The following BARD1 variants were observed in gnomAD, a reference collection of about 807,000 sequenced individuals.
BARD1 encodes BRCA1 associated RING domain 1.
BARD1 carries 73 observed loss-of-function variants against 77.0 expected under a neutral mutation model. The observed-to-expected ratio is 0.95, with a 90% CI of 0.79 to 1.15. The LOEUF (loss-of-function observed/expected upper bound fraction) is 1.15. Among genes scored for constraint, BARD1 ranks in the 50% most tolerant of loss-of-function variants. The pLI, the probability that BARD1 is intolerant of heterozygous loss-of-function variation, is 0.00. For synonymous variants in BARD1, 384 were observed against 338.0 expected (o/e 1.14, Z -1.49); for missense variants, 993 against 938.8 (o/e 1.06, Z -0.75).
chr2:214,792,428 C>G lies in BARD1; in HGVS notation c.233G>C (p.Cys78Ser), dbSNP rs199780731. The G allele has an allele frequency of 1.2e-5, 19 of 1,603,354 alleles. No individual in the cohort carries two copies. Among genetic ancestry groups the G allele is most frequent in the Non-Finnish European group, 1.6e-5 (19 of 1,176,696 alleles). ...ACACACTGGACATCCAGTTCCAATG[C>G]AGTCACTTACACAATTACTTTAAAA... Reference protein sequence around the residue: ...HIFCSNCVSDCIGTGCPVCYT... With the variant: ...HIFCSNCVSDSIGTGCPVCYT... Residue 78 changes from cysteine to serine, a missense_variant, in exon 3 of 11, where the codon TGC becomes TCC. Physicochemically the swap from Cys to Ser is moderately radical, Grantham distance 112 (BLOSUM62 -1). Transcript: ENST00000260947.
chr2:214,792,722 A>G (rs900427087), intron 2 of BARD1, among the ~76,000 whole-genome samples: 2 of 152,184 alleles, frequency 1.3e-5, no homozygotes, highest in Admixed American at 1.3e-4. Flanking sequence ...AAGGTTACAG[A>G]GATGTAACAG....
chr2:214,746,576 G>A (rs984996467), intron 7 of BARD1, among the ~76,000 whole-genome samples: 1 of 144,286 alleles, frequency 6.9e-6, no homozygotes, highest in African/African-American at 2.5e-5. Context: ...AAGACTCCAG[G>A]AAACAATATA....
intron 2 of BARD1, among the ~76,000 whole-genome samples, chr2:214,795,108 T>C (rs529613316): frequency 6.6e-6 from 1 of 152,272 alleles, no homozygotes; most frequent in South Asian, 2.1e-4. Context: ...AAACCCATCA[T>C]CTGTCAGCTG....
chr2:214,779,216 G>T (rs1413092500), intron 4 of BARD1, among the ~76,000 whole-genome samples: 1 of 152,122 alleles, frequency 6.6e-6, no homozygotes, highest in African/African-American at 2.4e-5. Context: ...CAGTATCTGT[G>T]GGGGATTGGT....
At position 214,728,842 on chromosome 2, in the gene BARD1, T is replaced by C. The variant is rs1553612140; in HGVS notation, c.2168A>G (p.His723Arg). ...GCGCTGATCAGAATCGGGTCTCGCA[T>C]GGTATGCGACTGTATTGATGGTCTG... is the stretch of plus-strand genomic sequence containing the variant. ...VTQTINTVAYHARPDSDQRFC... is the reference protein window; with the variant it reads ...VTQTINTVAYRARPDSDQRFC... Residue 723 changes from histidine to arginine, a missense_variant, in exon 11 of 11, where the codon CAT becomes CGT. His to Arg is a conservative substitution (Grantham distance 29). Coordinates refer to ENST00000260947, the MANE Select transcript of BARD1 (RefSeq NM_000465.4). The C allele has an allele frequency of 6.2e-7, 1 of 1,614,194 alleles. No homozygotes were observed. The highest frequency in any genetic ancestry group is 1.3e-5 in the African/African-American group (1 of 75,046).
intron 4 of BARD1, 69 bp from the exon 5 acceptor site, chr2:214,769,381 A>G (rs559890568): frequency 3.4e-6 from 4 of 1,175,120 alleles, no homozygotes; most frequent in Admixed American, 1.8e-5. Flanking sequence ...AGCTTTTTTA[A>G]ATGCTGCCTT....
rs186641736 is a variant in BARD1 at position 214,780,337 on chromosome 2, T to C, written c.1314+223A>G. Among the ~76,000 whole-genome samples the C allele has an allele frequency of 1.9e-3, 285 of 152,258 alleles. 1 individual carries two copies. Among genetic ancestry groups the C allele is most frequent in the African/African-American group, 5.4e-3 (226 of 41,552 alleles). ...AAATAAAAGCCGAAATATTCAAATATTGGTTTTCTCCTACAAGATCATGCG... is the reference window on the plus strand; with the variant it reads ...AAATAAAAGCCGAAATATTCAAATACTGGTTTTCTCCTACAAGATCATGCG... On this transcript the variant is annotated intron_variant, in intron 4 of 10. Coordinates refer to ENST00000260947, the MANE Select transcript of BARD1 (RefSeq NM_000465.4).
chr2:214,792,531 T>C (rs1249415216), intron 2 of BARD1, 86 bp from the exon 3 acceptor site: 1 of 1,307,702 alleles, frequency 7.6e-7, no homozygotes, highest in Non-Finnish European at 1.0e-6. Context: ...CAGAAATAAA[T>C]GGAGCAGAGG....
rs181748854 is a variant in BARD1 at position 214,781,293 on chromosome 2, C to T, written c.581G>A (p.Arg194Lys). 43 of 1,607,202 alleles carry T rather than the reference C, an allele frequency of 2.7e-5. No homozygotes were observed. The highest frequency in any genetic ancestry group is 1.5e-4 in the Admixed American group (9 of 58,656). ...AGATCTTGCAGAAGCCTTTTTAGCC[C>T]TCTCAGAAACATCTGCAGGAGGACT... ...SPSPPADVSE[R>K]AKKASARSGK... The change falls in exon 4 of 11, where the codon AGG becomes AAG. Residue 194 changes from arginine (R) to lysine (K), a missense_variant. By Grantham distance (26) the Arg-to-Lys change is conservative (BLOSUM62 2). Transcript: ENST00000260947.
rs369564500 is a variant in BARD1, at chr2:214,769,274, T to C, written c.1353A>G (p.Gly451=). The change falls in exon 5 of 11, where the codon GGA becomes GGG. Residue 451 remains glycine (G), a synonymous_variant. Coordinates refer to ENST00000260947, the MANE Select transcript of BARD1 (RefSeq NM_000465.4). ...CATGGTCTTTAACATTTGGATCACTTCCATTTTGTAAAAGGTATTCAACAG... is the reference window on the plus strand; with the variant it reads ...CATGGTCTTTAACATTTGGATCACTCCCATTTTGTAAAAGGTATTCAACAG... ...IPSVEYLLQN[G]SDPNVKDHAG... 2 of 1,613,816 alleles carry C rather than the reference T, an allele frequency of 1.2e-6. No individual in the cohort carries two copies. Among genetic ancestry groups the C allele is most frequent in the Non-Finnish European group, 1.7e-6 (2 of 1,179,754 alleles).
intron 7 of BARD1, among the ~76,000 whole-genome samples, chr2:214,748,326 G>A (rs999333146): frequency 6.6e-6 from 1 of 152,048 alleles, no homozygotes; most frequent in African/African-American, 2.4e-5. Flanking sequence ...GATTTGACTT[G>A]AATAAGCATA....
chr2:214,785,133 G>C (rs1410319839), intron 3 of BARD1, among the ~76,000 whole-genome samples: 1 of 151,154 alleles, frequency 6.6e-6, no homozygotes, highest in African/African-American at 2.5e-5. Flanking sequence ...CCTGTTTGGA[G>C]AGTCACATTT....
Position 214,729,143 on chromosome 2 carries a change from T to C in BARD1, c.2002-135A>G, listed in dbSNP as rs374748665. ...ACATTTGGAGGAGAAGCATTTCAGA[T>C]TCATAAATTTTTTGGGTTTTGGAAA... On this transcript the variant is annotated intron_variant, in intron 10 of 10. Transcript: ENST00000260947. 4.3e-3 allele frequency: 4,927 copies of C among 1,146,764 alleles called. 67 individuals are homozygous for C. The highest frequency in any genetic ancestry group is 0.023 in the South Asian group (1,478 of 63,820). 71.0% of individuals were successfully genotyped at this position (1,146,764 alleles called of 1,614,324 possible). A position where few individuals can be genotyped will look rare whatever the true frequency, so the allele number is the denominator to read the frequency against.
intron 2 of BARD1, chr2:214,796,705 T>C (rs912275490): frequency 3.0e-5 from 7 of 232,106 alleles, no homozygotes; most frequent in African/African-American, 1.4e-4. Flanking sequence ...GAAACTAATA[T>C]AATAACTGTA....
chr2:214,729,125 G>C (rs1692236482), intron 10 of BARD1, 117 bp from the exon 11 acceptor site: 2 of 1,262,116 alleles, frequency 1.6e-6, no homozygotes, highest in Non-Finnish European at 2.2e-6. Flanking sequence ...GAAACATTTG[G>C]AGGAGAAGCA....
At chr2:214,769,154 T>C (rs1237064305) in intron 5 of BARD1, 78 bp downstream of exon 5, 10 of 1,202,142 alleles carry the variant, frequency 8.3e-6, no homozygotes, top group Non-Finnish European at 1.2e-5. Flanking sequence ...CAGAGGATGA[T>C]ATATAGACAA....
At chr2:214,769,551 G>C (rs1694379163) in intron 4 of BARD1, among the ~76,000 whole-genome samples, 2 of 152,160 alleles carry the variant, frequency 1.3e-5, no homozygotes, top group African/African-American at 4.8e-5. Context: ...AGACCAGCCT[G>C]GTCAACATGG....
At chr2:214,805,283 A>G (rs938249853) in intron 1 of BARD1, among the ~76,000 whole-genome samples, 11 of 152,286 alleles carry the variant, frequency 7.2e-5, no homozygotes, top group African/African-American at 2.6e-4. Context: ...CTGAACTTGT[A>G]TTTATTTTAT....
At chr2:214,787,555 G>A (rs16852761) in intron 3 of BARD1, among the ~76,000 whole-genome samples, 5,691 of 151,942 alleles carry the variant, frequency 0.037, 239 homozygotes, top group African/African-American at 0.11. Flanking sequence ...ATTTTTATGG[G>A]TGAATGCTTC....
Sources: allele counts gnomAD v4.1 joint callset (sites outside exome capture counted in the v4.1 genomes callset), GRCh38; gene constraint gnomAD v4.1.1; transcripts MANE v1.5; gene names NCBI Gene and HGNC (gene_info 2026-07-23, HGNC 2026-07-21).